Variants in SIRT5 observed in about 807,000 individuals in gnomAD.
SIRT5 encodes the protein sirtuin 5, also known as NAD-dependent protein deacylase sirtuin-5, mitochondrial.
In SIRT5, 26 loss-of-function variants were observed where a neutral mutation model predicts 40.0. That is an observed-to-expected ratio of 0.65 (90% CI 0.48 to 0.90). The LOEUF is 0.90. Ranked by LOEUF, SIRT5 falls within the 40% of genes least tolerant of loss-of-function variation. SIRT5 has a pLI of 0.00. For missense variants in SIRT5, 401 were observed against 402.4 expected (o/e 1.00, Z 0.03); for synonymous variants, 146 against 149.1 (o/e 0.98, Z 0.15).
rs1764218217 is a variant in SIRT5, at chr6:13,615,118, G to A, written c.*3253G>A. ...TCCCTGCCTTGAAATCAACCCCATT[G>A]CCAGCCGCTTTCGCCGGCAGAGCAT... is the stretch of plus-strand genomic sequence containing the variant. On this transcript the variant is annotated 3_prime_UTR_variant, in exon 10 of 10. Coordinates refer to ENST00000606117, the MANE Select transcript of SIRT5 (RefSeq NM_012241.5). 1 of 487,856 alleles carries A rather than the reference G, an allele frequency of 2.0e-6. No individual in the cohort carries two copies. Among genetic ancestry groups the A allele is most frequent in the East Asian group, 3.3e-5 (1 of 29,940 alleles). The allele number at this position is 487,856 out of a possible 1,614,324, so 30.2% of individuals were successfully genotyped here.
At chr6:13,581,543 A>C (rs1377393907) in intron 2 of SIRT5, among the ~76,000 whole-genome samples, 8 of 152,220 alleles carry the variant, frequency 5.3e-5, no homozygotes, top group Admixed American at 3.3e-4. Flanking sequence ...TTTCTACTAT[A>C]GAGTTATTAT....
At chr6:13,580,659 C>G (rs1759224938) in intron 2 of SIRT5, among the ~76,000 whole-genome samples, 1 of 152,148 alleles carries the variant, frequency 6.6e-6, no homozygotes, top group Non-Finnish European at 1.5e-5. Flanking sequence ...CTCCCTCACT[C>G]TCGCTCCTGC....
intron 8 of SIRT5, 82 bp downstream of exon 8, chr6:13,599,237 C>A (rs1762043415): frequency 1.4e-6 from 2 of 1,456,750 alleles, no homozygotes; most frequent in East Asian, 2.4e-5. Context: ...TTCCTTCCTC[C>A]CTCCCTTGCT....
chr6:13,608,132 A>G (rs1037687081), intron 9 of SIRT5, among the ~76,000 whole-genome samples: 1 of 152,240 alleles, frequency 6.6e-6, no homozygotes, highest in Non-Finnish European at 1.5e-5. Context: ...TCTGAATGTT[A>G]TAACTATCTG....
chr6:13,606,941 C>T (rs372082324), intron 9 of SIRT5, among the ~76,000 whole-genome samples: 12 of 151,504 alleles, frequency 7.9e-5, no homozygotes, highest in South Asian at 2.1e-4. Flanking sequence ...CTTAGCCTCC[C>T]GAAGTGCTGG....
In SIRT5 at chr6:13,599,115, A is replaced by T; in HGVS notation, c.701A>T (p.Glu234Val). 4.3e-6 allele frequency: 7 copies of T among 1,613,966 alleles called. No homozygotes were observed. In the Middle Eastern group the frequency reaches 8.2e-4, roughly 190 times the overall value. ...AACCTGGATCCTGCCATTCTGGAGGAGGTTGACAGAGAGCTCGCCCACTGT... is the reference window on the plus strand; with the variant it reads ...AACCTGGATCCTGCCATTCTGGAGGTGGTTGACAGAGAGCTCGCCCACTGT... ...GENLDPAILE[E>V]VDRELAHCDL... The change falls in exon 8 of 10, where the codon GAG becomes GTG. Residue 234 changes from glutamate to valine, a missense_variant. Transcript: ENST00000606117.
Position 13,578,477 on chromosome 6 carries a change from G to A in SIRT5, c.-194-974G>A, listed in dbSNP as rs571846121. Among the ~76,000 whole-genome samples, 13 of 151,938 alleles carry A rather than the reference G, an allele frequency of 8.6e-5. No homozygotes were observed. The East Asian group carries it at 2.1e-3, about 25-fold the overall frequency. ...CTACTAAAAATACAAAAAATTAGCC[G>A]GGCGTGGTGTCGGTTGCTTGTAGTC... On this transcript the variant is annotated intron_variant, in intron 1 of 9. Coordinates refer to ENST00000606117, the MANE Select transcript of SIRT5 (RefSeq NM_012241.5).
At chr6:13,605,691 T>C (rs1414245388) in intron 9 of SIRT5, 1 of 985,370 alleles carries the variant, frequency 1.0e-6, no homozygotes, top group Non-Finnish European at 1.2e-6. Context: ...GGATGATTTC[T>C]GATAAACCCT....
At chr6:13,603,639 T>C (rs1002533562) in intron 9 of SIRT5, among the ~76,000 whole-genome samples, 8 of 152,214 alleles carry the variant, frequency 5.3e-5, no homozygotes, top group African/African-American at 1.9e-4. Flanking sequence ...GCAGTCATTT[T>C]AGAAAACAAT....
At chr6:13,598,411 T>G (rs949155099) in intron 7 of SIRT5, among the ~76,000 whole-genome samples, 11 of 152,068 alleles carry the variant, frequency 7.2e-5, no homozygotes, top group African/African-American at 2.7e-4. Flanking sequence ...GAGGCAAATC[T>G]GAGTCCAGTA....
chr6:13,577,991 CTTA>C (rs1175085513), intron 1 of SIRT5, among the ~76,000 whole-genome samples: 3 of 152,192 alleles, frequency 2.0e-5, no homozygotes, highest in Non-Finnish European at 4.4e-5. Flanking sequence ...TACTTCTATA[CTTA>C]TTGAGAGTTT....
rs111305646 is a variant in SIRT5 at position 13,595,497 on chromosome 6, T to C, written c.496T>C (p.Cys166Arg). 22 of 1,614,122 alleles carry C rather than the reference T, an allele frequency of 1.4e-5. No homozygotes were observed. The highest frequency in any genetic ancestry group is 1.8e-5 in the Non-Finnish European group (21 of 1,179,956). ...EIHGSLFKTR[C>R]TSCGVVAENY... ...TTCAGGTAGCTTATTTAAAACTCGA[T>C]GTACCTCTTGTGGAGTTGTGGCTGA... Residue 166 changes from cysteine (C) to arginine (R), a missense_variant, in exon 6 of 10, where the codon TGT (cysteine) becomes CGT (arginine). By Grantham distance (180) the Cys-to-Arg change is radical. Transcript: ENST00000606117.
At chr6:13,592,915 A>ATTTTTTTT (rs70989874) in intron 5 of SIRT5, among the ~76,000 whole-genome samples, 1 of 139,104 alleles carries the variant, frequency 7.2e-6, no homozygotes. Context: ...ATTTAATTTA[A>ATTTTTTTT]TTTTTTTTTT....
At chr6:13,574,815 G>A (rs1425330997) in intron 1 of SIRT5, 71 bp downstream of exon 1, 1 of 152,502 alleles carries the variant, frequency 6.6e-6, no homozygotes, top group African/African-American at 2.4e-5. Context: ...GGGTTGGAAA[G>A]TAATCCCACC....
In SIRT5 at chr6:13,584,184, C is replaced by T. The variant is rs1359224549; in HGVS notation, c.74C>T (p.Thr25Ile). ...LYCGLKPPASTRNQICLKMAR... is the reference protein window; with the variant it reads ...LYCGLKPPASIRNQICLKMAR... Reference sequence around the variant, plus strand: ...TGTGGCCTGAAGCCTCCAGCGTCCACACGAAACCAGATTTGCCTGAAAATG... The same window carrying T: ...TGTGGCCTGAAGCCTCCAGCGTCCATACGAAACCAGATTTGCCTGAAAATG... Residue 25 changes from threonine (T) to isoleucine (I), a missense_variant, in exon 3 of 10, where the codon ACA becomes ATA. Thr to Ile is a moderately conservative substitution (Grantham distance 89, BLOSUM62 -1). Coordinates refer to ENST00000606117, the MANE Select transcript of SIRT5 (RefSeq NM_012241.5). 9 of 1,614,076 alleles carry T rather than the reference C, an allele frequency of 5.6e-6. No homozygotes were observed. The highest frequency in any genetic ancestry group is 2.2e-5 in the East Asian group (1 of 44,900).
intron 7 of SIRT5, among the ~76,000 whole-genome samples, chr6:13,597,677 C>T (rs1761769469): frequency 6.6e-6 from 1 of 152,140 alleles, no homozygotes; most frequent in African/African-American, 2.4e-5. Context: ...TCCCGAGTAG[C>T]TGGGATTATA....
chr6:13,613,757 C>T lies in SIRT5; in HGVS notation c.*1892C>T, dbSNP rs1173947358. ...GGGCACTGGTAATACCTGTAATAGT[C>T]TTATAGTACTTATAAAGCAGTTTTG... On this transcript the variant is annotated 3_prime_UTR_variant, in exon 10 of 10. Coordinates refer to ENST00000606117, the MANE Select transcript of SIRT5 (RefSeq NM_012241.5). The T allele has an allele frequency of 6.6e-6, 1 of 152,152 alleles. No individual in the cohort carries two copies. Among genetic ancestry groups the T allele is most frequent in the African/African-American group, 2.4e-5 (1 of 41,428 alleles). The allele number at this position is 152,152 out of a possible 1,614,324, so 9.4% of individuals were successfully genotyped here. A position where few individuals can be genotyped will look rare whatever the true frequency, so the allele number is the denominator to read the frequency against.
intron 3 of SIRT5, among the ~76,000 whole-genome samples, chr6:13,585,960 C>T (rs1210888150): frequency 3.9e-5 from 6 of 152,200 alleles, no homozygotes; most frequent in East Asian, 3.9e-4. Flanking sequence ...TGGTATCTCA[C>T]TGTGGTTTTG....
At chr6:13,590,396 T>C (rs1760699144) in intron 4 of SIRT5, among the ~76,000 whole-genome samples, 1 of 152,218 alleles carries the variant, frequency 6.6e-6, no homozygotes, top group South Asian at 2.1e-4. Flanking sequence ...CTATTCTGTT[T>C]ATATATAAAA....
Sources: allele counts gnomAD v4.1 joint callset (sites outside exome capture counted in the v4.1 genomes callset), GRCh38; gene constraint gnomAD v4.1.1; transcripts MANE v1.5; gene names NCBI Gene and HGNC (gene_info 2026-07-23, HGNC 2026-07-21).